The following SLC12A8 variants were observed in gnomAD, a reference collection of about 807,000 sequenced individuals.
The protein encoded by SLC12A8 is solute carrier family 12 member 8.
Under a neutral mutation model 75.6 loss-of-function variants are expected in SLC12A8, and 69 were observed. The observed-to-expected ratio is 0.91, with a 90% CI of 0.75 to 1.11. The LOEUF is 1.11. SLC12A8 is among the 50% of genes most tolerant of loss of function. The probability of loss-of-function intolerance (pLI) is 0.00; values close to 1 mark genes in which losing one functional copy is unlikely to be tolerated. For missense variants in SLC12A8, 877 were observed against 896.7 expected, an observed-to-expected ratio of 0.98 and a Z score of 0.28; for synonymous variants, 365 against 372.8, an observed-to-expected ratio of 0.98 and a Z score of 0.24.
At chr3:125,176,929 G>T (rs1289190294) in intron 5 of SLC12A8, among the ~76,000 whole-genome samples, 1 of 151,908 alleles carries the variant, frequency 6.6e-6, no homozygotes, top group South Asian at 2.1e-4. Context: ...ATTCCTCACG[G>T]ATCTAGAACT....
intron 6 of SLC12A8, among the ~76,000 whole-genome samples, chr3:125,123,993 C>G (rs143388357): frequency 6.0e-4 from 91 of 152,232 alleles, no homozygotes; most frequent in African/African-American, 2.1e-3. Context: ...TTCCTGCTTC[C>G]AAACACTTAC....
intron 5 of SLC12A8, among the ~76,000 whole-genome samples, chr3:125,143,960 G>A (rs548621051): frequency 7.0e-4 from 107 of 152,324 alleles, no homozygotes; most frequent in Admixed American, 1.0e-3. Flanking sequence ...ATGAAGAATG[G>A]TTTCTAATAA....
chr3:125,161,577 G>A (rs1309788009), intron 5 of SLC12A8, among the ~76,000 whole-genome samples: 1 of 152,000 alleles, frequency 6.6e-6, no homozygotes, highest in Non-Finnish European at 1.5e-5. Context: ...GGAAAGAACA[G>A]GTCAAGAGAC....
At chr3:125,146,707 C>G (rs2015305) in intron 5 of SLC12A8, among the ~76,000 whole-genome samples, 1 of 152,174 alleles carries the variant, frequency 6.6e-6, no homozygotes, top group South Asian at 2.1e-4. Flanking sequence ...GGCATGATCA[C>G]GGCTCACTGC....
chr3:125,209,518 C>A (rs1211660910), intron 2 of SLC12A8, among the ~76,000 whole-genome samples: 1 of 152,214 alleles, frequency 6.6e-6, no homozygotes, highest in Admixed American at 6.5e-5. Context: ...ATGCAAATGG[C>A]AACTCACCCA....
chr3:125,173,225 TTGGAGGATAG>T (rs2107785308), intron 5 of SLC12A8, among the ~76,000 whole-genome samples: 1 of 151,644 alleles, frequency 6.6e-6, no homozygotes, highest in South Asian at 2.1e-4. Flanking sequence ...AGGGACAAAG[TTGGAGGATAG>T]ATGCTAACCA....
chr3:125,120,284 A>G (rs1933017746), intron 7 of SLC12A8, among the ~76,000 whole-genome samples: 1 of 139,908 alleles, frequency 7.1e-6, no homozygotes, highest in Non-Finnish European at 1.6e-5. Flanking sequence ...GGTTAAAAAA[A>G]TCCCCAAGTT....
chr3:125,098,995 C>T (rs897668151), intron 10 of SLC12A8, among the ~76,000 whole-genome samples: 6 of 152,158 alleles, frequency 3.9e-5, no homozygotes, highest in African/African-American at 1.4e-4. Flanking sequence ...GATAACCTCC[C>T]CACATTTCCC....
intron 6 of SLC12A8, 96 bp from the exon 7 acceptor site, chr3:125,120,782 G>C (rs1448456217): frequency 1.1e-6 from 1 of 911,070 alleles, no homozygotes; most frequent in Non-Finnish European, 1.8e-6. Context: ...ACCCTCTCCT[G>C]GAAGCTGTCC....
intron 10 of SLC12A8, among the ~76,000 whole-genome samples, chr3:125,095,072 T>A (rs924036085): frequency 3.9e-5 from 6 of 152,214 alleles, no homozygotes. Context: ...CAGCACTCCT[T>A]TTTTCCATGT....
chr3:125,110,501 A>G (rs1442853072), intron 8 of SLC12A8, 166 bp from the exon 9 acceptor site: 9 of 582,056 alleles, frequency 1.5e-5, no homozygotes, highest in Non-Finnish European at 2.3e-5. Context: ...CATTCATTCC[A>G]TGGTTTCAGC....
chr3:125,120,473 G>A (rs1933026389), intron 7 of SLC12A8, 126 bp downstream of exon 7: 1 of 756,134 alleles, frequency 1.3e-6, no homozygotes, highest in Non-Finnish European at 2.3e-6. Context: ...TTAAAAGAAG[G>A]ATCGGAATAT....
At chr3:125,145,549 A>T (rs1432248121) in intron 5 of SLC12A8, among the ~76,000 whole-genome samples, 1 of 152,240 alleles carries the variant, frequency 6.6e-6, no homozygotes, top group Non-Finnish European at 1.5e-5. Flanking sequence ...AGCCAGATGC[A>T]AAAGGACAAA....
intron 10 of SLC12A8, among the ~76,000 whole-genome samples, chr3:125,097,888 T>G (rs574480011): frequency 6.6e-6 from 1 of 152,166 alleles, no homozygotes; most frequent in Non-Finnish European, 1.5e-5. Context: ...ACTAGGCAGG[T>G]AACTTTACTT....
chr3:125,171,920 A>AAAG, intron 5 of SLC12A8, among the ~76,000 whole-genome samples: 1 of 61,230 alleles, frequency 1.6e-5, no homozygotes, highest in Non-Finnish European at 3.3e-5. Context: ...ATAAAAAAAA[A>AAAG]AAAATTAAAA....
At chr3:125,109,733 G>A (rs1323060718) in intron 9 of SLC12A8, among the ~76,000 whole-genome samples, 1 of 152,164 alleles carries the variant, frequency 6.6e-6, no homozygotes. Context: ...AGACGCCAGA[G>A]GTGTAGGAAA....
rs201081430 is a variant in SLC12A8 at position 125,118,753 on chromosome 3, C to G, written c.912+16G>C. The G allele has an allele frequency of 1.7e-4, 265 of 1,602,394 alleles. No individual in the cohort carries two copies. Among genetic ancestry groups the G allele is most frequent in the Non-Finnish European group, 2.2e-4 (254 of 1,170,728 alleles). ...CCGGCAGACTGAGCCCTTGGAGTAG[C>G]GCAGGCCTCACTCACCTTTTCCGCT... On this transcript the variant is annotated intron_variant, in intron 8 of 13. Coordinates refer to ENST00000469902, the MANE Select transcript of SLC12A8 (RefSeq NM_024628.6).
intron 2 of SLC12A8, among the ~76,000 whole-genome samples, chr3:125,208,363 G>A (rs1312756427): frequency 6.6e-6 from 1 of 152,112 alleles, no homozygotes; most frequent in Non-Finnish European, 1.5e-5. Context: ...ACTCAGCTGT[G>A]CTGAGTCATG....
chr3:125,166,287 T>A (rs1036422064), intron 5 of SLC12A8, among the ~76,000 whole-genome samples: 2 of 150,806 alleles, frequency 1.3e-5, no homozygotes, highest in African/African-American at 2.4e-5. Context: ...GTCAGCCTTA[T>A]CCCTTTTCTT....
Sources: allele counts gnomAD v4.1 joint callset (sites outside exome capture counted in the v4.1 genomes callset), GRCh38; gene constraint gnomAD v4.1.1; transcripts MANE v1.5; gene names NCBI Gene and HGNC (gene_info 2026-07-23, HGNC 2026-07-21).